Variants in AKR1C3 observed in about 807,000 individuals in gnomAD.
AKR1C3 encodes aldo-keto reductase family 1 member C3, also known as 3-alpha hydroxysteroid dehydrogenase, type II.
Under a neutral mutation model 43.6 loss-of-function variants are expected in AKR1C3, and 48 were observed. The ratio of observed to expected loss-of-function variants is 1.10; its 90% CI spans 0.87 to 1.40. AKR1C3 has a LOEUF of 1.40. Among genes scored for constraint, AKR1C3 ranks in the 40% most tolerant of loss-of-function variants. The pLI, the probability that AKR1C3 is intolerant of heterozygous loss-of-function variation, is 0.00. For missense variants in AKR1C3, 482 were observed against 391.2 expected (o/e 1.23, Z -1.96); for synonymous variants, 162 against 139.6 (o/e 1.16, Z -1.13).
In AKR1C3 at chr10:5,098,782, A is replaced by C; in HGVS notation, c.370-20A>C. On this transcript the variant is annotated intron_variant, in intron 3 of 8. Coordinates refer to ENST00000380554, the MANE Select transcript of AKR1C3 (RefSeq NM_003739.6). ...AGAAATTAATTTGTGACATCATTAA[A>C]ATGACTGCTTCTATTTCAGCCAGGT... 1 of 1,609,662 alleles carries C rather than the reference A, an allele frequency of 6.2e-7. No homozygotes were observed. Among genetic ancestry groups the C allele is most frequent in the Non-Finnish European group, 8.5e-7 (1 of 1,176,372 alleles).
intron 1 of AKR1C3, among the ~76,000 whole-genome samples, chr10:5,078,460 A>G (rs1554782053): frequency 6.6e-6 from 1 of 152,208 alleles, no homozygotes; most frequent in Non-Finnish European, 1.5e-5. Context: ...TAATAACCAT[A>G]ATCATAATCA....
intron 8 of AKR1C3, among the ~76,000 whole-genome samples, chr10:5,105,998 C>G (rs1839491255): frequency 6.6e-6 from 1 of 152,194 alleles, no homozygotes; most frequent in East Asian, 1.9e-4. Context: ...GCCCATGTGA[C>G]TTCATTAGAT....
At chr10:5,054,525 G>A (rs979453606) in intron 1 of AKR1C3, among the ~76,000 whole-genome samples, 23 of 152,324 alleles carry the variant, frequency 1.5e-4, no homozygotes, top group South Asian at 4.1e-4. Flanking sequence ...TCAATGTTCC[G>A]CATAAGAAAA....
intron 1 of AKR1C3, among the ~76,000 whole-genome samples, chr10:5,061,453 G>A (rs1253547706): frequency 1.3e-5 from 2 of 152,204 alleles, no homozygotes; most frequent in Non-Finnish European, 2.9e-5. Flanking sequence ...ATCCCTATGG[G>A]AGGGGTGTTC....
chr10:5,106,226 C>T (rs1839496463), intron 8 of AKR1C3, among the ~76,000 whole-genome samples: 1 of 152,090 alleles, frequency 6.6e-6, no homozygotes, highest in Non-Finnish European at 1.5e-5. Flanking sequence ...CTGCTTTTGC[C>T]TCCAGAAAGC....
At chr10:5,074,446 A>G (rs1394268487) in intron 1 of AKR1C3, among the ~76,000 whole-genome samples, 1 of 152,220 alleles carries the variant, frequency 6.6e-6, no homozygotes, top group Non-Finnish European at 1.5e-5. Flanking sequence ...GCACCTGTAG[A>G]GAAACTCTGC....
intron 1 of AKR1C3, among the ~76,000 whole-genome samples, chr10:5,087,039 T>C (rs1207796777): frequency 1.3e-5 from 2 of 152,212 alleles, no homozygotes; most frequent in Non-Finnish European, 2.9e-5. Context: ...CCAGTCTGTC[T>C]TTTAATTGGA....
intron 3 of AKR1C3, chr10:5,097,955 C>T: frequency 3.8e-6 from 4 of 1,050,476 alleles, no homozygotes; most frequent in Non-Finnish European, 4.6e-6. Context: ...CAAGCTGAAG[C>T]AGATTTGGTG....
intron 8 of AKR1C3, among the ~76,000 whole-genome samples, chr10:5,106,207 C>A (rs1554787193): frequency 2.0e-5 from 3 of 152,066 alleles, no homozygotes. Flanking sequence ...TTTGTTCATG[C>A]CCCAAACTCT....
chr10:5,064,345 G>T (rs113563378), intron 1 of AKR1C3, among the ~76,000 whole-genome samples: 6,034 of 151,836 alleles, frequency 0.04, 382 homozygotes, highest in African/African-American at 0.13. Context: ...AGATTGAAAC[G>T]GGAAAGCCTT....
intron 1 of AKR1C3, among the ~76,000 whole-genome samples, chr10:5,087,561 A>C (rs1554783382): frequency 6.6e-6 from 1 of 151,600 alleles, no homozygotes; most frequent in African/African-American, 2.4e-5. Context: ...TTTTTAGTAG[A>C]GGCGGGGTTT....
intron 1 of AKR1C3, among the ~76,000 whole-genome samples, chr10:5,080,085 C>T (rs1333355471): frequency 6.6e-6 from 1 of 152,150 alleles, no homozygotes; most frequent in African/African-American, 2.4e-5. Flanking sequence ...TGAGGTCCAT[C>T]AGTGCCAAGA....
At chr10:5,097,342 A>G (rs913396951) in intron 2 of AKR1C3, 92 bp from the exon 3 acceptor site, 15 of 1,463,248 alleles carry the variant, frequency 1.0e-5, no homozygotes, top group Admixed American at 4.3e-5. Flanking sequence ...ATTTTGAAGC[A>G]GTAGGAAAAT....
At chr10:5,082,016 G>A (rs1198757859) in intron 1 of AKR1C3, 57 of 144,494 alleles carry the variant, frequency 3.9e-4, no homozygotes, top group Non-Finnish European at 1.5e-5. Context: ...TGTCTTAGAA[G>A]GATCATTGTA....
chr10:5,086,474 C>T (rs1211403056), intron 1 of AKR1C3, among the ~76,000 whole-genome samples: 9 of 151,618 alleles, frequency 5.9e-5, no homozygotes, highest in Admixed American at 4.6e-4. Context: ...TTTACATTTG[C>T]TGAGGAGAGC....
intron 1 of AKR1C3, among the ~76,000 whole-genome samples, chr10:5,066,192 T>G (rs1838497808): frequency 6.6e-6 from 1 of 152,214 alleles, no homozygotes. Flanking sequence ...TTGCTTGTGG[T>G]GTGTTCTAGG....
intron 1 of AKR1C3, among the ~76,000 whole-genome samples, chr10:5,064,661 A>C (rs1237093622): frequency 6.6e-6 from 1 of 152,206 alleles, no homozygotes; most frequent in Non-Finnish European, 1.5e-5. Flanking sequence ...CAGAATCTAC[A>C]AGAAACTTAA....
At chr10:5,051,881 T>C (rs1838160480) in intron 1 of AKR1C3, among the ~76,000 whole-genome samples, 1 of 152,206 alleles carries the variant, frequency 6.6e-6, no homozygotes, top group Non-Finnish European at 1.5e-5. Flanking sequence ...CTTCTAAAGA[T>C]TCTTTACCTA....
chr10:5,066,121 G>T (rs61293789), intron 1 of AKR1C3, among the ~76,000 whole-genome samples: 19,355 of 152,180 alleles, frequency 0.13, 1,546 homozygotes, highest in South Asian at 0.23. Context: ...GAACTTCAGG[G>T]GTGGATACCT....
Sources: allele counts gnomAD v4.1 joint callset (sites outside exome capture counted in the v4.1 genomes callset), GRCh38; gene constraint gnomAD v4.1.1; transcripts MANE v1.5; gene names NCBI Gene and HGNC (gene_info 2026-07-23, HGNC 2026-07-21).